CEP83: variants seen among roughly 807,000 people sequenced by gnomAD.
CEP83 encodes centrosomal protein 83, also known as centrosomal protein of 83 kDa.
A neutral mutation model predicts 101.9 loss-of-function variants in CEP83; 70 were observed. The ratio of observed to expected loss-of-function variants is 0.69; its 90% CI spans 0.57 to 0.84. CEP83 has a LOEUF of 0.84. CEP83 is among the 40% of genes least tolerant of loss of function. CEP83 has a pLI of 0.00. For synonymous variants in CEP83, 264 were observed against 267.9 expected, an observed-to-expected ratio of 0.99 and a Z score of 0.14; for missense variants, 715 against 787.2, an observed-to-expected ratio of 0.91 and a Z score of 1.10.
intron 2 of CEP83, among the ~76,000 whole-genome samples, chr12:94,420,443 A>G (rs1377600719): frequency 1.3e-5 from 2 of 152,252 alleles, no homozygotes; most frequent in Non-Finnish European, 1.5e-5. Context: ...CTATACTGCA[A>G]TAAAAATAAG....
rs181808902 is a variant in CEP83, at chr12:94,444,498, G to A, written c.-154-9171C>T. ...CAAAATGAATATATCTTTTCATTTA[G>A]TAATTCTAATTTTAGGAATTAATCC... On this transcript the variant is annotated intron_variant, in intron 1 of 16. Transcript: ENST00000397809. Among the ~76,000 whole-genome samples the A allele has an allele frequency of 8.9e-4, 135 of 152,330 alleles. 1 individual carries two copies. Among genetic ancestry groups the A allele is most frequent in the East Asian group, 4.0e-3 (21 of 5,194 alleles).
At chr12:94,281,339 G>C in the CEP83 span, among the ~76,000 whole-genome samples, 1 of 152,126 alleles carries the variant, frequency 6.6e-6, no homozygotes, top group South Asian at 2.1e-4. Context: ...GCTATGCTTG[G>C]AGCTCTTACA....
chr12:94,279,527 G>C, the CEP83 span: 1 of 1,614,148 alleles, frequency 6.2e-7, no homozygotes, highest in Non-Finnish European at 8.5e-7. Flanking sequence ...GATGTCTGTC[G>C]GAATATTTCA....
chr12:94,291,209 A>C, the CEP83 span, among the ~76,000 whole-genome samples: 1 of 152,238 alleles, frequency 6.6e-6, no homozygotes, highest in Non-Finnish European at 1.5e-5. Flanking sequence ...GTATACATTT[A>C]AAATCTGTGG....
At chr12:94,271,473 G>A in the CEP83 span, among the ~76,000 whole-genome samples, 1 of 152,328 alleles carries the variant, frequency 6.6e-6, no homozygotes, top group East Asian at 1.9e-4. Flanking sequence ...ACGGGACGAT[G>A]GGTAAAACCG....
At chr12:94,424,021 A>T in intron 2 of CEP83, 1 of 1,612,762 alleles carries the variant, frequency 6.2e-7, no homozygotes, top group Non-Finnish European at 8.5e-7. Flanking sequence ...CTGAACCTGA[A>T]GGCTGCATGA....
intron 11 of CEP83, among the ~76,000 whole-genome samples, chr12:94,345,607 C>A (rs1273162392): frequency 6.6e-6 from 1 of 152,138 alleles, no homozygotes; most frequent in Non-Finnish European, 1.5e-5. Context: ...CAATCTTCCC[C>A]CATCTTTCTG....
At chr12:94,425,715 T>C (rs2065143024) in intron 2 of CEP83, among the ~76,000 whole-genome samples, 1 of 152,208 alleles carries the variant, frequency 6.6e-6, no homozygotes, top group Admixed American at 6.5e-5. Context: ...TAATGGCTGT[T>C]CACAGACCGT....
the CEP83 span, among the ~76,000 whole-genome samples, chr12:94,273,590 C>T: frequency 1.1e-4 from 17 of 152,252 alleles, 1 homozygote; most frequent in South Asian, 2.1e-4. Context: ...TAAAATGCTC[C>T]GTCTGTACCT....
chr12:94,323,635 C>T (rs2058844190), intron 14 of CEP83, among the ~76,000 whole-genome samples: 1 of 152,170 alleles, frequency 6.6e-6, no homozygotes. Context: ...GTGGCACACA[C>T]CAGCTGCTTC....
chr12:94,331,580 A>T (rs1402682307), intron 14 of CEP83, 120 bp downstream of exon 14: 1 of 804,508 alleles, frequency 1.2e-6, no homozygotes. Flanking sequence ...TGTGTTAGCC[A>T]GGATGGTCTC....
At chr12:94,428,430 T>C (rs1272085386) in intron 2 of CEP83, among the ~76,000 whole-genome samples, 4 of 152,224 alleles carry the variant, frequency 2.6e-5, no homozygotes, top group African/African-American at 9.7e-5. Context: ...ACAATAAAGA[T>C]TATCTACTGA....
At chr12:94,267,285 C>T in the CEP83 span, among the ~76,000 whole-genome samples, 1 of 152,212 alleles carries the variant, frequency 6.6e-6, no homozygotes, top group African/African-American at 2.4e-5. Flanking sequence ...ATGTCTGAGG[C>T]AACTTTTGAG....
chr12:94,429,406 C>T (rs1453677701), intron 2 of CEP83, among the ~76,000 whole-genome samples: 1 of 152,180 alleles, frequency 6.6e-6, no homozygotes, highest in Non-Finnish European at 1.5e-5. Flanking sequence ...AGGGAGCTCA[C>T]GCTGGGGCAC....
At chr12:94,266,817 A>G in the CEP83 span, among the ~76,000 whole-genome samples, 1 of 152,250 alleles carries the variant, frequency 6.6e-6, no homozygotes, top group Non-Finnish European at 1.5e-5. Flanking sequence ...CAGGCATGTG[A>G]GTGCTACCTA....
intron 11 of CEP83, among the ~76,000 whole-genome samples, chr12:94,353,081 T>C (rs769030300): frequency 3.9e-5 from 6 of 152,008 alleles, no homozygotes; most frequent in Non-Finnish European, 8.8e-5. Flanking sequence ...AAAGAGAGAA[T>C]TCTATAAACA....
intron 2 of CEP83, among the ~76,000 whole-genome samples, chr12:94,417,179 C>T (rs898417421): frequency 2.6e-5 from 4 of 151,786 alleles, no homozygotes; most frequent in African/African-American, 9.7e-5. Flanking sequence ...ATTAGCTAGG[C>T]ATGGTGGCAT....
chr12:94,439,834 A>C (rs2066268468), intron 1 of CEP83, among the ~76,000 whole-genome samples: 1 of 152,188 alleles, frequency 6.6e-6, no homozygotes, highest in South Asian at 2.1e-4. Context: ...GTCAAAAAGA[A>C]AATACACCAT....
intron 2 of CEP83, among the ~76,000 whole-genome samples, chr12:94,418,427 GAGAGGA>G (rs1244966034): frequency 6.6e-6 from 1 of 152,070 alleles, no homozygotes; most frequent in East Asian, 1.9e-4. Flanking sequence ...AGCAGAAATA[GAGAGGA>G]AGAGGAAAAG....
Sources: allele counts gnomAD v4.1 joint callset (sites outside exome capture counted in the v4.1 genomes callset), GRCh38; gene constraint gnomAD v4.1.1; transcripts MANE v1.5; gene names NCBI Gene and HGNC (gene_info 2026-07-23, HGNC 2026-07-21).